Variants in PDPR observed in about 807,000 individuals in gnomAD.
The protein encoded by PDPR is pyruvate dehydrogenase phosphatase regulatory subunit.
In PDPR, 50 loss-of-function variants were observed where a neutral mutation model predicts 102.2. The observed-to-expected ratio is 0.49, with a 90% CI of 0.39 to 0.62. PDPR has a LOEUF of 0.62. PDPR is among the 20% of genes least tolerant of loss of function. PDPR has a pLI of 0.00. For synonymous variants in PDPR, 259 were observed against 406.0 expected (o/e 0.64, Z 4.35); for missense variants, 625 against 1,098.2 (o/e 0.57, Z 6.09).
intron 17 of PDPR, 23 bp downstream of exon 17, chr16:70,148,576 C>CCTTCCCTTTA (rs1567556224): frequency 6.3e-7 from 1 of 1,578,312 alleles, no homozygotes; most frequent in African/African-American, 1.4e-5. Context: ...CCTTCCCTTC[C>CCTTCCCTTTA]CTTCCCTTCA....
rs964164769 is a variant in PDPR at position 70,158,095 on chromosome 16, C to G, written c.*1216C>G. The G allele has an allele frequency of 6.5e-6, 1 of 153,132 alleles. No individual in the cohort carries two copies. The highest frequency in any genetic ancestry group is 6.5e-5 in the Admixed American group (1 of 15,286). 9.5% of individuals were successfully genotyped at this position (153,132 alleles called of 1,614,324 possible). A position where few individuals can be genotyped will look rare whatever the true frequency, so the allele number is the denominator to read the frequency against. On this transcript the variant is annotated 3_prime_UTR_variant, in exon 19 of 19. Coordinates refer to ENST00000288050, the MANE Select transcript of PDPR (RefSeq NM_017990.5). ...AGAGACCGCTTTTCCTCCTTTCCCC[C>G]CAGGCTCTTTGTTTCCCTCCACCCA...
In PDPR at chr16:70,156,689, T is replaced by C; in HGVS notation, c.2450T>C (p.Val817Ala). The C allele has an allele frequency of 1.2e-6, 2 of 1,614,026 alleles. No homozygotes were observed. Among genetic ancestry groups the C allele is most frequent in the East Asian group, 2.2e-5 (1 of 44,894 alleles). The change falls in exon 19 of 19, where the codon GTG becomes GCG. Residue 817 changes from valine (V) to alanine (A), a missense_variant. Physicochemically the swap from Val to Ala is moderately conservative, Grantham distance 64. Around this residue, in one of 11 missense-constraint regions of PDPR, gnomAD observed 303 missense variants for 258.9 expected, o/e 1.17. Transcript: ENST00000288050. ...SLERHVCLGFVHNFSEDTGEE... is the reference protein window; with the variant it reads ...SLERHVCLGFAHNFSEDTGEE... ...GAGCGCCACGTTTGCCTGGGCTTTG[T>C]GCACAATTTTTCTGAGGACACGGGG...
intron 17 of PDPR, among the ~76,000 whole-genome samples, chr16:70,152,920 G>A (rs894145067): frequency 2.1e-4 from 32 of 152,284 alleles, no homozygotes; most frequent in Non-Finnish European, 3.7e-4. Flanking sequence ...GTGTGCACAC[G>A]TCTCGAGTAA....
At chr16:70,136,940 A>G (rs1965203687) in intron 10 of PDPR, among the ~76,000 whole-genome samples, 2 of 152,330 alleles carry the variant, frequency 1.3e-5, no homozygotes, top group Non-Finnish European at 2.9e-5. Flanking sequence ...ACAGGGTTTC[A>G]CCATGTTAGC....
rs2549120 is a variant in PDPR at position 70,141,448 on chromosome 16, G to A, written c.1316-786G>A. Among the ~76,000 whole-genome samples, 4 of 152,372 alleles carry A rather than the reference G, an allele frequency of 2.6e-5. No homozygotes were observed. In the East Asian group the frequency reaches 5.8e-4, roughly 22 times the overall value. ...GATTTCAGAGCCACCTAATCAAGCT[G>A]CAATATGTACCCTTTCACTTCAGAA... On this transcript the variant is annotated intron_variant, in intron 11 of 18. Transcript: ENST00000288050.
intron 8 of PDPR, chr16:70,131,735 TAGGTAAACAA>T (rs1398055711): frequency 1.0e-6 from 1 of 985,302 alleles, no homozygotes; most frequent in African/African-American, 1.7e-5. Context: ...AGAAATGTCA[TAGGTAAACAA>T]TAGACTTAGG....
chr16:70,161,390 A>C lies in PDPR; in HGVS notation c.*4511A>C, dbSNP rs1316402576. The C allele has an allele frequency of 6.5e-6, 1 of 153,664 alleles. No individual in the cohort carries two copies. Among genetic ancestry groups the C allele is most frequent in the Non-Finnish European group, 1.4e-5 (1 of 69,270 alleles). 9.5% of individuals were successfully genotyped at this position (153,664 alleles called of 1,614,324 possible). On this transcript the variant is annotated 3_prime_UTR_variant, in exon 19 of 19. Transcript: ENST00000288050. ...TCCTGCTGCACCCCATCCCCCACAC[A>C]CCCCTCACGAACATTGATATAAGCA...
At position 70,128,825 on chromosome 16, in the gene PDPR, G is replaced by A. The variant is rs1964244193; in HGVS notation, c.403G>A (p.Asp135Asn). The change falls in exon 5 of 19, where the codon GAC becomes AAC. Residue 135 changes from aspartate (D) to asparagine (N), a missense_variant. Transcript: ENST00000288050. ...TGSIFLAQTQ[D>N]RLISLKRINA... ...CTCAATCTTTCTGGCCCAAACTCAG[G>A]ACCGACTGATCTCCCTGAAGCGCAT... 6.2e-7 allele frequency: 1 copy of A among 1,613,326 alleles called. No homozygotes were observed. Among genetic ancestry groups the A allele is most frequent in the African/African-American group, 1.3e-5 (1 of 74,936 alleles).
chr16:70,159,177 TTAC>T lies in PDPR; in HGVS notation c.*2302_*2304del, dbSNP rs1967529163. 1 of 152,362 alleles carries T rather than the reference TTAC, an allele frequency of 6.6e-6. No individual in the cohort carries two copies. 9.4% of individuals were successfully genotyped at this position (152,362 alleles called of 1,614,324 possible). A position where few individuals can be genotyped will look rare whatever the true frequency, so the allele number is the denominator to read the frequency against. On this transcript the variant is annotated 3_prime_UTR_variant, in exon 19 of 19. Coordinates refer to ENST00000288050, the MANE Select transcript of PDPR (RefSeq NM_017990.5). ...TCTGCCCTTGTTAATCTCCAACTAA[TTAC>T]TACAGATTGACACGTTTTTAATTAG...
chr16:70,122,671 C>G (rs1227394985), intron 3 of PDPR, among the ~76,000 whole-genome samples: 1 of 152,264 alleles, frequency 6.6e-6, no homozygotes, highest in Non-Finnish European at 1.5e-5. Context: ...TCATATGAGA[C>G]CTCCACCTAC....
intron 3 of PDPR, among the ~76,000 whole-genome samples, chr16:70,123,468 G>C (rs1472615671): frequency 1.3e-5 from 2 of 152,220 alleles, no homozygotes; most frequent in South Asian, 2.1e-4. Flanking sequence ...AAACTCCTGG[G>C]CTCAAGTGAT....
chr16:70,153,326 C>G (rs1271712825), intron 17 of PDPR, 65 bp from the exon 18 acceptor site: 1 of 1,510,024 alleles, frequency 6.6e-7, no homozygotes, highest in African/African-American at 1.4e-5. Flanking sequence ...ATCAGCGCTT[C>G]CAGACATGCT....
At position 70,129,564 on chromosome 16, in the gene PDPR, G is replaced by T. The variant is rs1356656399; in HGVS notation, c.607+442G>T. ...GGGTTTCGCCATATTGGCCAGGCTGGTCTTGAACTCCTGACCTCAGATGAT... is the reference window on the plus strand; with the variant it reads ...GGGTTTCGCCATATTGGCCAGGCTGTTCTTGAACTCCTGACCTCAGATGAT... On this transcript the variant is annotated intron_variant, in intron 6 of 18. Transcript: ENST00000288050. 2.6e-5 allele frequency among the ~76,000 whole-genome samples: 4 copies of T among 152,282 alleles called. No individual in the cohort carries two copies. In the South Asian group the frequency reaches 8.3e-4, roughly 31 times the overall value.
intron 18 of PDPR, among the ~76,000 whole-genome samples, chr16:70,154,615 G>A (rs1966906430): frequency 6.6e-6 from 1 of 152,270 alleles, no homozygotes; most frequent in Non-Finnish European, 1.5e-5. Context: ...TCGTCCTATA[G>A]TCAGCTGCCT....
In PDPR at chr16:70,153,542, G is replaced by A; in HGVS notation, c.2204G>A (p.Cys735Tyr). The A allele has an allele frequency of 6.2e-7, 1 of 1,609,798 alleles. No homozygotes were observed. Among genetic ancestry groups the A allele is most frequent in the Non-Finnish European group, 8.5e-7 (1 of 1,178,458 alleles). The change falls in exon 18 of 19, where the codon TGT becomes TAT. Residue 735 changes from cysteine (C) to tyrosine (Y), a missense_variant. Cys to Tyr is a radical substitution (Grantham distance 194). Coordinates refer to ENST00000288050, the MANE Select transcript of PDPR (RefSeq NM_017990.5). ...DINNLTTPLE[C>Y]GRESRVKLEK... ...AATAACCTCACCACGCCCCTGGAAT[G>A]TGGACGAGAGTCTCGGGTGAAATTA...
chr16:70,150,615 C>A (rs978915284), intron 17 of PDPR, among the ~76,000 whole-genome samples: 2 of 150,856 alleles, frequency 1.3e-5, no homozygotes, highest in African/African-American at 2.4e-5. Flanking sequence ...TGAAGTGATC[C>A]CCCTGCCTCA....
Position 70,159,103 on chromosome 16 carries a change from G to A in PDPR, c.*2224G>A, listed in dbSNP as rs1457945395. The A allele has an allele frequency of 1.3e-5, 2 of 152,328 alleles. No individual in the cohort carries two copies. The highest frequency in any genetic ancestry group is 2.9e-5 in the Non-Finnish European group (2 of 68,072). The allele number at this position is 152,328 out of a possible 1,614,324, so 9.4% of individuals were successfully genotyped here. On this transcript the variant is annotated 3_prime_UTR_variant, in exon 19 of 19. Coordinates refer to ENST00000288050, the MANE Select transcript of PDPR (RefSeq NM_017990.5). The stretch of plus-strand genomic sequence containing the variant: ...ATCACAGTATATTAGTCAAATAGAA[G>A]CTTCATCAGAAATGTATCCCACATA...
intron 16 of PDPR, 104 bp downstream of exon 16, chr16:70,146,332 G>C: frequency 6.4e-7 from 1 of 1,571,284 alleles, no homozygotes; most frequent in Non-Finnish European, 8.7e-7. Flanking sequence ...CACAAAGAGT[G>C]TCTTGGCTGG....
At position 70,158,321 on chromosome 16, in the gene PDPR, G is replaced by A. The variant is rs1206016779; in HGVS notation, c.*1442G>A. 3 of 152,450 alleles carry A rather than the reference G, an allele frequency of 2.0e-5. No homozygotes were observed. The highest frequency in any genetic ancestry group is 4.4e-5 in the Non-Finnish European group (3 of 68,162). 9.4% of individuals were successfully genotyped at this position (152,450 alleles called of 1,614,324 possible). On this transcript the variant is annotated 3_prime_UTR_variant, in exon 19 of 19. Transcript: ENST00000288050. ...CAAATAAACTGCTATAAGACATTTT[G>A]GTTAGTAAAACTCTAGCCTTTGGCG... is the stretch of plus-strand genomic sequence containing the variant.
Sources: gnomAD v4.1 joint callset for allele counts (sites outside exome capture counted in the v4.1 genomes callset) on GRCh38, gnomAD v4.1.1 for gene constraint, gnomAD v4.1.1 regional missense constraint, MANE v1.5 for transcripts, NCBI Gene and HGNC (gene_info 2026-07-23, HGNC 2026-07-21) for gene names.